The following USP10 variants were observed in gnomAD, a reference collection of about 807,000 sequenced individuals.
USP10 encodes the protein ubiquitin carboxyl-terminal hydrolase 10.
Under a neutral mutation model 84.5 loss-of-function variants are expected in USP10, and 22 were observed. The ratio of observed to expected loss-of-function variants is 0.26; its 90% CI spans 0.19 to 0.37. The LOEUF is 0.37. USP10 is among the 10% of genes least tolerant of loss of function. USP10 has a pLI of 1.00. For synonymous variants in USP10, 454 were observed against 387.6 expected (o/e 1.17, Z -2.01); for missense variants, 1,019 against 998.9 (o/e 1.02, Z -0.27).
intron 5 of USP10, 68 bp downstream of exon 5, chr16:84,758,875 C>G: frequency 8.9e-7 from 1 of 1,123,242 alleles, no homozygotes. Flanking sequence ...GTGCATGTGA[C>G]TTAGCTCAGC....
chr16:84,724,216 A>G (rs1908168345), intron 1 of USP10, among the ~76,000 whole-genome samples: 1 of 152,212 alleles, frequency 6.6e-6, no homozygotes, highest in African/African-American at 2.4e-5. Context: ...TACAGTTCTA[A>G]TATAGACACA....
At position 84,745,583 on chromosome 16, in the gene USP10, G is replaced by C; in HGVS notation, c.1102G>C (p.Ala368Pro). ...AYVETKYSPPAISPLVSEKQV... is the reference protein window; with the variant it reads ...AYVETKYSPPPISPLVSEKQV... ...TGTGGAAACTAAGTATTCCCCTCCCGCCATATCTCCCCTGGTTTCTGAAAA... is the reference window on the plus strand; with the variant it reads ...TGTGGAAACTAAGTATTCCCCTCCCCCCATATCTCCCCTGGTTTCTGAAAA... The change falls in exon 4 of 14, where the codon GCC becomes CCC. Residue 368 changes from alanine to proline, a missense_variant. By Grantham distance (27) the Ala-to-Pro change is conservative. Transcript: ENST00000219473. 1 of 1,612,214 alleles carries C rather than the reference G, an allele frequency of 6.2e-7. No homozygotes were observed. Among genetic ancestry groups the C allele is most frequent in the South Asian group, 1.1e-5 (1 of 90,718 alleles).
At chr16:84,756,255 C>T (rs918654992) in intron 4 of USP10, among the ~76,000 whole-genome samples, 1 of 152,218 alleles carries the variant, frequency 6.6e-6, no homozygotes, top group Non-Finnish European at 1.5e-5. Flanking sequence ...AGGCAGGGCT[C>T]AGCAGGGGTT....
At chr16:84,757,402 GGTGTGTGTGTGTGTGTGT>G (rs58812391) in intron 4 of USP10, among the ~76,000 whole-genome samples, 5 of 82,860 alleles carry the variant, frequency 6.0e-5, no homozygotes, top group Middle Eastern at 5.0e-3. Flanking sequence ...GAGGGGTGGG[GGTGTGTGTGTGTGTGTGT>G]GTGTGTGTGT....
At chr16:84,778,091 C>CTGTGTGTG (rs113716260) in intron 13 of USP10, among the ~76,000 whole-genome samples, 3,083 of 143,514 alleles carry the variant, frequency 0.021, 122 homozygotes, top group African/African-American at 0.073. Flanking sequence ...AAGTAAATAA[C>CTGTGTGTG]TGTGTGTGTG....
At chr16:84,752,698 G>A (rs897962807) in intron 4 of USP10, among the ~76,000 whole-genome samples, 2 of 152,198 alleles carry the variant, frequency 1.3e-5, no homozygotes, top group African/African-American at 4.8e-5. Flanking sequence ...GTCTTAGGAG[G>A]AATTAGAACT....
At chr16:84,716,644 G>A (rs1907052798) in intron 1 of USP10, 1 of 152,186 alleles carries the variant, frequency 6.6e-6, no homozygotes, top group African/African-American at 2.4e-5. Context: ...AGAGCATGGG[G>A]GAAGAGGGAG....
chr16:84,732,860 C>A (rs977998890), intron 1 of USP10, among the ~76,000 whole-genome samples: 1 of 152,176 alleles, frequency 6.6e-6, no homozygotes, highest in Non-Finnish European at 1.5e-5. Context: ...ATTCTGAATT[C>A]CGTGAAATCA....
chr16:84,755,466 C>T (rs73245631), intron 4 of USP10, among the ~76,000 whole-genome samples: 199 of 152,076 alleles, frequency 1.3e-3, no homozygotes, highest in African/African-American at 4.6e-3. Context: ...CACTCCTACA[C>T]GCTGCCCCTG....
intron 12 of USP10, among the ~76,000 whole-genome samples, chr16:84,773,264 A>G (rs1361235633): frequency 3.3e-5 from 5 of 152,188 alleles, no homozygotes; most frequent in Admixed American, 2.6e-4. Context: ...ATTTGTGAAA[A>G]CGTATAGTAC....
chr16:84,705,611 C>G (rs920907243), intron 1 of USP10, among the ~76,000 whole-genome samples: 3 of 151,480 alleles, frequency 2.0e-5, no homozygotes, highest in Admixed American at 6.6e-5. Context: ...TCTTCCTGAT[C>G]TGATGGTGCT....
At chr16:84,772,465 G>A in intron 11 of USP10, 76 bp from the exon 12 acceptor site, 2 of 1,592,478 alleles carry the variant, frequency 1.3e-6, no homozygotes, top group Non-Finnish European at 1.7e-6. Flanking sequence ...GGACGTCTTT[G>A]AGCGGAAGGT....
chr16:84,750,419 A>AAC (rs1911788388), intron 4 of USP10, among the ~76,000 whole-genome samples: 1 of 151,662 alleles, frequency 6.6e-6, no homozygotes, highest in African/African-American at 2.4e-5. Flanking sequence ...AAAAAAAAAA[A>AAC]AACCCAAAAC....
At chr16:84,732,464 TGAG>T in intron 1 of USP10, 3 of 408,336 alleles carry the variant, frequency 7.3e-6, no homozygotes, top group Admixed American at 3.1e-5. Flanking sequence ...TTTTTCTTTT[TGAG>T]ATGGAGTCTG....
chr16:84,778,098 T>G (rs1022811334), intron 13 of USP10, among the ~76,000 whole-genome samples: 8 of 151,716 alleles, frequency 5.3e-5, no homozygotes, highest in Admixed American at 3.9e-4. Flanking sequence ...TAACTGTGTG[T>G]GTGTGTGTGT....
chr16:84,723,467 C>A (rs1229999537), intron 1 of USP10, among the ~76,000 whole-genome samples: 1 of 152,148 alleles, frequency 6.6e-6, no homozygotes, highest in Non-Finnish European at 1.5e-5. Flanking sequence ...AGAATAAAAA[C>A]CATTCAGAGT....
chr16:84,758,167 C>T (rs893542934), intron 4 of USP10, among the ~76,000 whole-genome samples: 4 of 152,108 alleles, frequency 2.6e-5, no homozygotes, highest in Non-Finnish European at 5.9e-5. Flanking sequence ...TTCTAGTGGA[C>T]GGTTTAATTT....
intron 1 of USP10, among the ~76,000 whole-genome samples, chr16:84,723,878 CTCT>C (rs928795445): frequency 2.6e-5 from 4 of 152,236 alleles, no homozygotes; most frequent in Non-Finnish European, 5.9e-5. Context: ...CCCTTGCAGC[CTCT>C]TCTTTTGTTC....
chr16:84,764,983 A>T (rs542199948), intron 10 of USP10, among the ~76,000 whole-genome samples: 127 of 149,278 alleles, frequency 8.5e-4, no homozygotes, highest in African/African-American at 3.0e-3. Context: ...TAAAACTTGC[A>T]ACATAAAACC....
Sources: allele counts gnomAD v4.1 joint callset (sites outside exome capture counted in the v4.1 genomes callset), GRCh38; gene constraint gnomAD v4.1.1; transcripts MANE v1.5; gene names NCBI Gene and HGNC (gene_info 2026-07-23, HGNC 2026-07-21).